TM9SF4: variants seen among roughly 807,000 people sequenced by gnomAD.
TM9SF4 encodes transmembrane 9 superfamily member 4, also known as dinucleotide oxidase disulfide thiol exchanger 3 superfamily member 4.
TM9SF4 carries 26 observed loss-of-function variants against 90.4 expected under a neutral mutation model. That is an observed-to-expected ratio of 0.29 (90% CI 0.21 to 0.40). The LOEUF is 0.40. TM9SF4 is among the 10% of genes least tolerant of loss of function. The pLI is 1.00. For missense variants in TM9SF4, 549 were observed against 834.8 expected (o/e 0.66, Z 4.22); for synonymous variants, 293 against 315.4 (o/e 0.93, Z 0.75).
chr20:32,143,047 G>A lies in TM9SF4; in HGVS notation c.594G>A (p.Gln198=). 6.2e-7 allele frequency: 1 copy of A among 1,614,032 alleles called. No individual in the cohort carries two copies. Among genetic ancestry groups the A allele is most frequent in the Non-Finnish European group, 8.5e-7 (1 of 1,179,930 alleles). ...ATCGGGAGGACATGGAAGAGGACCA[G>A]GAGCACACGTACCGTGTCGTCCGCT... ...YYHREDMEED[Q]EHTYRVVRFE... is the part of the protein sequence containing the mutation. The change falls in exon 6 of 18, where the codon CAG becomes CAA. Residue 198 remains glutamine, a synonymous_variant. Transcript: ENST00000398022.
chr20:32,148,599 A>G (rs965249837), intron 9 of TM9SF4, among the ~76,000 whole-genome samples: 2 of 151,876 alleles, frequency 1.3e-5, no homozygotes, highest in African/African-American at 2.4e-5. Flanking sequence ...TTGCACAGCA[A>G]TTCTTCTATT....
intron 1 of TM9SF4, among the ~76,000 whole-genome samples, chr20:32,123,138 C>G (rs1026496375): frequency 1.2e-4 from 14 of 120,526 alleles, no homozygotes; most frequent in Non-Finnish European, 1.7e-4. Flanking sequence ...AGCTTCGGCT[C>G]GGCATGAGAG....
At chr20:32,154,533 A>G (rs193109188) in intron 12 of TM9SF4, among the ~76,000 whole-genome samples, 224 of 152,170 alleles carry the variant, frequency 1.5e-3, no homozygotes, top group African/African-American at 4.2e-3. Flanking sequence ...TGCTCACTGC[A>G]ACCTTTGCCT....
At chr20:32,137,588 A>C (rs975579381) in intron 3 of TM9SF4, among the ~76,000 whole-genome samples, 16 of 152,146 alleles carry the variant, frequency 1.1e-4, no homozygotes, top group African/African-American at 1.4e-4. Flanking sequence ...TGTGTCTCAC[A>C]TTCCCCTCTC....
chr20:32,119,688 TATTATA>T (rs1401731071), intron 1 of TM9SF4, among the ~76,000 whole-genome samples: 1 of 152,064 alleles, frequency 6.6e-6, no homozygotes, highest in Non-Finnish European at 1.5e-5. Context: ...AAATTTAATT[TATTATA>T]ATTTTTTTAA....
intron 12 of TM9SF4, among the ~76,000 whole-genome samples, chr20:32,153,857 A>G (rs1467647498): frequency 2.6e-5 from 4 of 152,212 alleles, no homozygotes; most frequent in African/African-American, 9.6e-5. Context: ...ACACTGCAGT[A>G]GGTCAGGAGC....
At chr20:32,109,832 G>A (rs760203238) in intron 1 of TM9SF4, 77 bp downstream of exon 1, 21 of 1,548,636 alleles carry the variant, frequency 1.4e-5, no homozygotes, top group African/African-American at 2.7e-5. Flanking sequence ...AGCACCCCAT[G>A]CCTGGCCCTG....
At chr20:32,141,428 CTG>C in intron 3 of TM9SF4, 67 bp from the exon 4 acceptor site, 4 of 1,579,566 alleles carry the variant, frequency 2.5e-6, no homozygotes, top group Admixed American at 1.7e-5. Context: ...TCCTGTGTCT[CTG>C]TGACTCTGCT....
At chr20:32,154,977 G>A (rs1407800564) in intron 12 of TM9SF4, 126 bp from the exon 13 acceptor site, 6 of 727,788 alleles carry the variant, frequency 8.2e-6, no homozygotes, top group South Asian at 7.6e-5. Flanking sequence ...CTTTCTGGAA[G>A]GAATGATGCT....
At chr20:32,144,596 G>C (rs554873521) in intron 6 of TM9SF4, among the ~76,000 whole-genome samples, 2 of 152,126 alleles carry the variant, frequency 1.3e-5, no homozygotes, top group South Asian at 4.1e-4. Flanking sequence ...GAAAGTCAGG[G>C]CTCTGAGGAA....
chr20:32,144,092 C>A (rs1160183086), intron 6 of TM9SF4, among the ~76,000 whole-genome samples: 3 of 152,150 alleles, frequency 2.0e-5, no homozygotes, highest in Admixed American at 2.0e-4. Context: ...ATTATAGGCG[C>A]CCACTACCGC....
chr20:32,143,125 CG>C lies in TM9SF4; in HGVS notation c.652+22del, dbSNP rs1026896309. On this transcript the variant is annotated intron_variant, in intron 6 of 17. Coordinates refer to ENST00000398022, the MANE Select transcript of TM9SF4 (RefSeq NM_014742.4). ...TGGAGGGTGAGTGGGGAGGTGTGGC[CG>C]GAGGGGCAGGGCTGGATGGGCCTGG... 1 of 1,610,906 alleles carries C rather than the reference CG, an allele frequency of 6.2e-7. No individual in the cohort carries two copies. Among genetic ancestry groups the C allele is most frequent in the African/African-American group, 1.3e-5 (1 of 74,808 alleles).
At chr20:32,160,286 G>A (rs1175656839) in intron 16 of TM9SF4, among the ~76,000 whole-genome samples, 175 bp downstream of exon 16, 1 of 152,148 alleles carries the variant, frequency 6.6e-6, no homozygotes, top group Non-Finnish European at 1.5e-5. Context: ...GTATTCAGCT[G>A]TACCCTGGGC....
At chr20:32,121,885 C>A (rs1161567629) in intron 1 of TM9SF4, among the ~76,000 whole-genome samples, 2 of 140,660 alleles carry the variant, frequency 1.4e-5, no homozygotes, top group East Asian at 4.3e-4. Context: ...GGGGGGCTGA[C>A]CCCCCCACCT....
chr20:32,137,241 A>G (rs1244762930), intron 3 of TM9SF4, among the ~76,000 whole-genome samples: 1 of 151,964 alleles, frequency 6.6e-6, no homozygotes, highest in Non-Finnish European at 1.5e-5. Flanking sequence ...TCACCACACC[A>G]TGCTATCCTC....
chr20:32,140,742 C>T (rs2046661137), intron 3 of TM9SF4, among the ~76,000 whole-genome samples: 1 of 152,192 alleles, frequency 6.6e-6, no homozygotes, highest in South Asian at 2.1e-4. Flanking sequence ...AGAGTCATCC[C>T]TCCACTGCAT....
intron 5 of TM9SF4, 114 bp from the exon 6 acceptor site, chr20:32,142,868 A>G: frequency 1.4e-6 from 2 of 1,391,062 alleles, no homozygotes; most frequent in Non-Finnish European, 2.0e-6. Context: ...TGATGAGAAC[A>G]GTGTTTTAGG....
intron 1 of TM9SF4, among the ~76,000 whole-genome samples, chr20:32,130,994 C>T (rs1027287927): frequency 2.0e-5 from 3 of 152,040 alleles, no homozygotes; most frequent in African/African-American, 7.3e-5. Flanking sequence ...TCTAAATTTA[C>T]TTAAAAATAA....
In TM9SF4 at chr20:32,115,807, C is replaced by CTTTTTTTT. The variant is rs386393622; in HGVS notation, c.15+6069_15+6076dup. The stretch of plus-strand genomic sequence containing the variant: ...TAATAACAAAACCTACCACTTTAAG[C>CTTTTTTTT]TTTTTTTTTTTTTTTTTTTTTTTTG... On this transcript the variant is annotated intron_variant, in intron 1 of 17. Transcript: ENST00000398022. 2.5e-4 allele frequency among the ~76,000 whole-genome samples: 24 copies of CTTTTTTTT among 95,172 alleles called. 1 individual carries two copies. Among genetic ancestry groups the CTTTTTTTT allele is most frequent in the African/African-American group, 4.3e-4 (9 of 20,726 alleles). 62.4% of individuals were successfully genotyped at this position (95,172 alleles called of 152,430 possible).
Sources: allele counts gnomAD v4.1 joint callset (sites outside exome capture counted in the v4.1 genomes callset), GRCh38; gene constraint gnomAD v4.1.1; transcripts MANE v1.5; gene names NCBI Gene and HGNC (gene_info 2026-07-23, HGNC 2026-07-21).